The following ZNF862 variants were observed in gnomAD, a reference collection of about 807,000 sequenced individuals.
The protein encoded by ZNF862 is zinc finger protein 862.
A neutral mutation model predicts 91.1 loss-of-function variants in ZNF862; 64 were observed. The observed-to-expected ratio is 0.70, with a 90% CI of 0.57 to 0.87. The LOEUF (loss-of-function observed/expected upper bound fraction) is 0.87. Ranked by LOEUF, ZNF862 falls within the 40% of genes least tolerant of loss-of-function variation. The probability of loss-of-function intolerance (pLI) is 0.00; values close to 1 mark genes in which losing one functional copy is unlikely to be tolerated. For missense variants in ZNF862, 1,459 were observed against 1,528.0 expected (o/e 0.95, Z 0.75); for synonymous variants, 631 against 618.1 (o/e 1.02, Z -0.31).
At chr7:149,862,527 G>A in intron 7 of ZNF862, 33 bp downstream of exon 7, 1 of 1,538,972 alleles carries the variant, frequency 6.5e-7, no homozygotes, top group Non-Finnish European at 8.7e-7. Flanking sequence ...CCCCAAGGCA[G>A]CCTCATGCTG....
chr7:149,863,020 G>C (rs950875297), intron 7 of ZNF862, among the ~76,000 whole-genome samples: 1 of 152,222 alleles, frequency 6.6e-6, no homozygotes, highest in Non-Finnish European at 1.5e-5. Flanking sequence ...CCATGTGGCT[G>C]TGGAGGAGGT....
In ZNF862 at chr7:149,850,254, G is replaced by A. The variant is rs1309034130; in HGVS notation, c.1033G>A (p.Glu345Lys). The A allele has an allele frequency of 6.2e-7, 1 of 1,613,498 alleles. No homozygotes were observed. Residue 345 changes from glutamate to lysine, a missense_variant, in exon 5 of 8, where the codon GAG (glutamate) becomes AAG (lysine). Physicochemically the swap from Glu to Lys is moderately conservative, Grantham distance 56 (BLOSUM62 1). Transcript: ENST00000223210. This position sits in a 1 kb window ranked among gnomAD's most constrained non-coding sequence, Gnocchi z 4.2. ...FEDVAVYFTR[E>K]EWGMLDKRQK... ...GGATGTGGCAGTGTATTTCACCCGG[G>A]AGGAGTGGGGCATGCTAGACAAGCG... is the stretch of plus-strand genomic sequence containing the variant.
In ZNF862 at chr7:149,860,132, G is replaced by T. The variant is rs1164911537; in HGVS notation, c.1223-251G>T. 1.1e-4 allele frequency: 57 copies of T among 527,480 alleles called. No individual in the cohort carries two copies. The East Asian group carries it at 1.8e-3, about 17-fold the overall frequency. 32.7% of individuals were successfully genotyped at this position (527,480 alleles called of 1,614,324 possible). A position where few individuals can be genotyped will look rare whatever the true frequency, so the allele number is the denominator to read the frequency against. On this transcript the variant is annotated intron_variant, in intron 6 of 7. Transcript: ENST00000223210. ...TCACATGATCCCAGGGTAGCTGTGT[G>T]GATAGGGTGGTTGGGGCGCTGGTGA... is the stretch of plus-strand genomic sequence containing the variant.
chr7:149,859,624 G>A (rs1802387978), intron 6 of ZNF862, 98 bp downstream of exon 6: 1 of 980,918 alleles, frequency 1.0e-6, no homozygotes. Flanking sequence ...CATCTGATGG[G>A]GGCCGATTGG....
chr7:149,844,981 C>T, intron 2 of ZNF862: 1 of 438,780 alleles, frequency 2.3e-6, no homozygotes, highest in Non-Finnish European at 4.1e-6. Context: ...GGCTAGACTC[C>T]TGGGTCTGTC....
At chr7:149,859,152 A>G (rs1337106281) in intron 5 of ZNF862, 2 of 506,504 alleles carry the variant, frequency 3.9e-6, no homozygotes, top group Non-Finnish European at 7.2e-6. Context: ...CTTAGTCCCT[A>G]TGTTTCTTCC....
Position 149,861,794 on chromosome 7 carries a change from A to G in ZNF862, c.2634A>G (p.Ala878=), listed in dbSNP as rs773087816. The G allele has an allele frequency of 1.2e-6, 2 of 1,613,676 alleles. No homozygotes were observed. ...CCACGCTGGGCCGCGCCTACGTGGCACTGGAGAGCCTCCGTCACCAGGCAG... is the reference window on the plus strand; with the variant it reads ...CCACGCTGGGCCGCGCCTACGTGGCGCTGGAGAGCCTCCGTCACCAGGCAG... The part of the protein sequence containing the change: ...VNATLGRAYV[A]LESLRHQAGP... Residue 878 remains alanine, a synonymous_variant, in exon 7 of 8, where the codon GCA becomes GCG. Transcript: ENST00000223210. This position sits in a 1 kb window ranked among gnomAD's most constrained non-coding sequence, Gnocchi z 6.7.
In ZNF862 at chr7:149,864,362, C is replaced by T. The variant is rs1802639927; in HGVS notation, c.*78C>T. ...CAGGCTCTGCAGATTCTAGGCTGCC[C>T]TAGGATCTTCTGCTGGTGGCGATGG... is the stretch of plus-strand genomic sequence containing the variant. On this transcript the variant is annotated 3_prime_UTR_variant, in exon 8 of 8. Coordinates refer to ENST00000223210, the MANE Select transcript of ZNF862 (RefSeq NM_001099220.3). 8 of 1,416,656 alleles carry T rather than the reference C, an allele frequency of 5.6e-6. No individual in the cohort carries two copies. Among genetic ancestry groups the T allele is most frequent in the East Asian group, 5.0e-5 (2 of 40,074 alleles). 87.8% of individuals were successfully genotyped at this position (1,416,656 alleles called of 1,614,324 possible). A position where few individuals can be genotyped will look rare whatever the true frequency, so the allele number is the denominator to read the frequency against.
rs539947817 is a variant in ZNF862 at position 149,862,942 on chromosome 7, C to T, written c.3334+448C>T. On this transcript the variant is annotated intron_variant, in intron 7 of 7. Transcript: ENST00000223210. ...GAGAGGGCTGACCAGCCCCAGGCAG[C>T]GCCATCACATTCTAAGTGGGGCTGT... is the stretch of plus-strand genomic sequence containing the variant. Among the ~76,000 whole-genome samples, 25 of 152,342 alleles carry T rather than the reference C, an allele frequency of 1.6e-4. No homozygotes were observed. In the East Asian group the frequency reaches 4.2e-3, roughly 26 times the overall value.
Position 149,860,953 on chromosome 7 carries a change from C to T in ZNF862, c.1793C>T (p.Ala598Val), listed in dbSNP as rs367980954. ...TTAGGCAAGTACCGCAATCGCACGGCGTGCACTCAGTTCATCAAGTACATC... is the reference window on the plus strand; with the variant it reads ...TTAGGCAAGTACCGCAATCGCACGGTGTGCACTCAGTTCATCAAGTACATC... ...VILGKYRNRT[A>V]CTQFIKYISE... The change falls in exon 7 of 8, where the codon GCG becomes GTG. Residue 598 changes from alanine (A) to valine (V), a missense_variant. Transcript: ENST00000223210. The T allele has an allele frequency of 4.3e-6, 7 of 1,613,630 alleles. No homozygotes were observed. Among genetic ancestry groups the T allele is most frequent in the East Asian group, 2.2e-5 (1 of 44,868 alleles).
chr7:149,840,150 T>C (rs1220820356), intron 1 of ZNF862, among the ~76,000 whole-genome samples: 3 of 137,406 alleles, frequency 2.2e-5, no homozygotes. Flanking sequence ...GGCTAATGTG[T>C]GTGTTTGTGT....
intron 5 of ZNF862, among the ~76,000 whole-genome samples, chr7:149,856,704 G>A (rs1802277852): frequency 6.6e-6 from 1 of 152,144 alleles, no homozygotes. Flanking sequence ...TGTTAGGCCT[G>A]CGGCACACCT....
intron 5 of ZNF862, chr7:149,856,330 C>G (rs1446666799): frequency 6.6e-6 from 1 of 152,238 alleles, no homozygotes; most frequent in Non-Finnish European, 1.5e-5. Context: ...ACCTGGGCCC[C>G]CGCTTCTCTT....
chr7:149,853,237 G>A (rs1802130410), intron 5 of ZNF862, among the ~76,000 whole-genome samples: 1 of 152,226 alleles, frequency 6.6e-6, no homozygotes, highest in Admixed American at 6.5e-5. Context: ...GGCTTTTGCA[G>A]AATGGATTCA....
chr7:149,855,676 C>T lies in ZNF862; in HGVS notation c.1118-3746C>T, dbSNP rs1350504240. Among the ~76,000 whole-genome samples the T allele has an allele frequency of 6.6e-6, 1 of 152,202 alleles. No individual in the cohort carries two copies. Among genetic ancestry groups the T allele is most frequent in the Non-Finnish European group, 1.5e-5 (1 of 68,022 alleles). On this transcript the variant is annotated intron_variant, in intron 5 of 7. Transcript: ENST00000223210. This position sits in a 1 kb window ranked among gnomAD's most constrained non-coding sequence, Gnocchi z 4.1. ...GGACATGGGTGAATGTCTGCCCTGG[C>T]AGCCTGTCTATATAGGCGCCTTCAC...
intron 2 of ZNF862, among the ~76,000 whole-genome samples, chr7:149,845,896 A>G (rs1010788061): frequency 2.6e-5 from 4 of 152,042 alleles, no homozygotes; most frequent in African/African-American, 7.3e-5. Context: ...CATAGTTTGT[A>G]TACCTGTTTA....
intron 6 of ZNF862, chr7:149,859,954 T>C (rs1802402177): frequency 4.1e-6 from 1 of 245,548 alleles, no homozygotes. Context: ...TTGCTACACT[T>C]ACTTCTGTAC....
chr7:149,861,588 C>T lies in ZNF862; in HGVS notation c.2428C>T (p.His810Tyr). ...CGTGAGCTGGCCCGCCCTGGCCAGG[C>T]ACCTCCAGAGGGTGGCAGAGGCTGG... ...LLVSWPALAR[H>Y]LQRVAEAGGQ... The change falls in exon 7 of 8, where the codon CAC becomes TAC. Residue 810 changes from histidine (H) to tyrosine (Y), a missense_variant. By Grantham distance (83) the His-to-Tyr change is moderately conservative (BLOSUM62 2). Coordinates refer to ENST00000223210, the MANE Select transcript of ZNF862 (RefSeq NM_001099220.3). This position sits in a 1 kb window ranked among gnomAD's most constrained non-coding sequence, Gnocchi z 6.7. 6.3e-7 allele frequency: 1 copy of T among 1,597,758 alleles called. No individual in the cohort carries two copies. The highest frequency in any genetic ancestry group is 8.5e-7 in the Non-Finnish European group (1 of 1,174,376).
At chr7:149,856,014 C>A in intron 5 of ZNF862, 1 of 152,590 alleles carries the variant, frequency 6.6e-6, no homozygotes. Flanking sequence ...CAATGCTTTC[C>A]AGAAACATCC....
Sources: gnomAD v4.1 joint callset for allele counts (sites outside exome capture counted in the v4.1 genomes callset) on GRCh38, gnomAD v4.1.1 for gene constraint, Gnocchi (gnomAD v3.1) non-coding constraint, MANE v1.5 for transcripts, NCBI Gene and HGNC (gene_info 2026-07-23, HGNC 2026-07-21) for gene names.